Variants in COL24A1 observed in about 807,000 individuals in gnomAD.
The protein encoded by COL24A1 is collagen alpha-1(XXIV) chain.
COL24A1 carries 224 observed loss-of-function variants against 253.9 expected under a neutral mutation model. That is an observed-to-expected ratio of 0.88 (90% confidence interval 0.79 to 0.99). COL24A1 has a LOEUF of 0.99. Among genes scored for constraint, COL24A1 ranks in the 50% least tolerant of loss-of-function variants. The probability of loss-of-function intolerance (pLI) is 0.00; values close to 1 mark genes in which losing one functional copy is unlikely to be tolerated. For synonymous variants in COL24A1, 685 were observed against 673.7 expected, an observed-to-expected ratio of 1.02 and a Z score of -0.26; for missense variants, 2,131 against 2,068.5, an observed-to-expected ratio of 1.03 and a Z score of -0.59.
intron 2 of COL24A1, among the ~76,000 whole-genome samples, chr1:86,135,401 G>A (rs1650063915): frequency 6.6e-6 from 1 of 152,028 alleles, no homozygotes; most frequent in South Asian, 2.1e-4. Context: ...TATGATGTTA[G>A]CTGGTTATTT....
intron 19 of COL24A1, among the ~76,000 whole-genome samples, chr1:86,012,425 T>TA (rs1246085343): frequency 1.3e-5 from 2 of 151,896 alleles, no homozygotes; most frequent in Non-Finnish European, 2.9e-5. Flanking sequence ...CCATCTCAAC[T>TA]AAAAATACAA....
At chr1:85,897,599 T>G (rs1285571291) in intron 28 of COL24A1, among the ~76,000 whole-genome samples, 1 of 152,104 alleles carries the variant, frequency 6.6e-6, no homozygotes, top group Non-Finnish European at 1.5e-5. Flanking sequence ...AACTTCTCAG[T>G]GTTCATTCAA....
chr1:86,008,866 T>C (rs944116616), intron 19 of COL24A1, among the ~76,000 whole-genome samples: 1 of 151,828 alleles, frequency 6.6e-6, no homozygotes, highest in Non-Finnish European at 1.5e-5. Flanking sequence ...GAGAATATAA[T>C]GGCAGACAAA....
At position 86,034,042 on chromosome 1, in the gene COL24A1, A is replaced by G. The variant is rs1334153732; in HGVS notation, c.1951-119T>C. On this transcript the variant is annotated intron_variant, in intron 12 of 59. Transcript: ENST00000370571. ...TTTCCTAACTCTTAAACTGTAATGC[A>G]ACAAACATTCTTTTGCATAACACGC... The G allele has an allele frequency of 2.8e-5, 19 of 667,174 alleles. 1 individual carries two copies. In the Middle Eastern group the frequency reaches 8.2e-4, roughly 29 times the overall value. 41.3% of individuals were successfully genotyped at this position (667,174 alleles called of 1,614,324 possible).
chr1:86,032,350 A>G (rs192430975), intron 13 of COL24A1, among the ~76,000 whole-genome samples: 1 of 152,304 alleles, frequency 6.6e-6, no homozygotes. Flanking sequence ...CATTATTTAA[A>G]TTCTCTAATC....
At chr1:85,800,861 C>T (rs1316582981) in intron 47 of COL24A1, among the ~76,000 whole-genome samples, 1 of 152,168 alleles carries the variant, frequency 6.6e-6, no homozygotes, top group African/African-American at 2.4e-5. Context: ...TTTGGAACTT[C>T]TGGCTACTGC....
chr1:86,096,105 G>A (rs889406058), intron 5 of COL24A1, among the ~76,000 whole-genome samples: 13 of 152,182 alleles, frequency 8.5e-5, no homozygotes, highest in Non-Finnish European at 1.9e-4. Flanking sequence ...ATAATAATGA[G>A]CTTTAGGACC....
At chr1:85,731,741 A>G (rs927944714) in intron 59 of COL24A1, among the ~76,000 whole-genome samples, 4 of 152,220 alleles carry the variant, frequency 2.6e-5, no homozygotes, top group African/African-American at 9.6e-5. Context: ...TAACCACAAC[A>G]AAAGACCATC....
chr1:85,922,787 AT>A (rs1395876611), intron 24 of COL24A1, among the ~76,000 whole-genome samples: 1 of 152,230 alleles, frequency 6.6e-6, no homozygotes, highest in African/African-American at 2.4e-5. Flanking sequence ...AGCTAACATC[AT>A]AATGACAGGA....
At chr1:85,913,544 C>G (rs953403030) in intron 24 of COL24A1, among the ~76,000 whole-genome samples, 2 of 152,124 alleles carry the variant, frequency 1.3e-5, no homozygotes, top group Non-Finnish European at 2.9e-5. Context: ...CACCAGGAGA[C>G]ACAACGATGA....
At chr1:85,958,386 C>T (rs1429128058) in intron 24 of COL24A1, among the ~76,000 whole-genome samples, 1 of 151,990 alleles carries the variant, frequency 6.6e-6, no homozygotes, top group East Asian at 1.9e-4. Flanking sequence ...TTATAGAATG[C>T]ATCACAGTTT....
chr1:86,071,627 AC>A (rs1157165323), intron 7 of COL24A1, among the ~76,000 whole-genome samples: 3 of 152,212 alleles, frequency 2.0e-5, no homozygotes, highest in Non-Finnish European at 4.4e-5. Context: ...AGATTTCCAA[AC>A]AAAAACTATA....
Position 85,781,276 on chromosome 1 carries a change from G to A in COL24A1, c.4285-3C>T. On this transcript the variant is annotated splice_region_variant and splice_polypyrimidine_tract_variant and intron_variant, in intron 51 of 59. Transcript: ENST00000370571. ...CTGCCAAGGGGACCAGTGTTTCCCTGTTGAGGTAAAAGAAAAACAGTCTCA... is the reference window on the plus strand; with the variant it reads ...CTGCCAAGGGGACCAGTGTTTCCCTATTGAGGTAAAAGAAAAACAGTCTCA... 6.3e-7 allele frequency: 1 copy of A among 1,592,460 alleles called. No individual in the cohort carries two copies. Among genetic ancestry groups the A allele is most frequent in the Non-Finnish European group, 8.6e-7 (1 of 1,169,540 alleles).
At chr1:85,804,026 T>C (rs932560269) in intron 47 of COL24A1, among the ~76,000 whole-genome samples, 2 of 152,134 alleles carry the variant, frequency 1.3e-5, no homozygotes, top group East Asian at 1.9e-4. Flanking sequence ...GGAGAAAGCA[T>C]TGAAATAATA....
chr1:85,802,332 C>G (rs917774580), intron 47 of COL24A1, among the ~76,000 whole-genome samples: 1 of 152,132 alleles, frequency 6.6e-6, no homozygotes, highest in Non-Finnish European at 1.5e-5. Flanking sequence ...CACTCTACAC[C>G]TTGCTCACCA....
intron 5 of COL24A1, among the ~76,000 whole-genome samples, chr1:86,093,195 T>A (rs1703632391): frequency 6.6e-6 from 1 of 152,036 alleles, no homozygotes; most frequent in South Asian, 2.1e-4. Context: ...AAGGATGAAA[T>A]ACCAAAAGAA....
chr1:85,800,958 C>T (rs1671364689), intron 47 of COL24A1, among the ~76,000 whole-genome samples: 1 of 152,050 alleles, frequency 6.6e-6, no homozygotes, highest in Non-Finnish European at 1.5e-5. Context: ...GCAAAACAAA[C>T]ACAAAATGCA....
chr1:86,121,445 TAA>T (rs1158414121), intron 3 of COL24A1, among the ~76,000 whole-genome samples: 16 of 152,062 alleles, frequency 1.1e-4, no homozygotes, highest in African/African-American at 1.9e-4. Flanking sequence ...ATACAACAGA[TAA>T]AGAGTTCAGT....
At chr1:85,954,629 A>ATT (rs562646334) in intron 24 of COL24A1, among the ~76,000 whole-genome samples, 75 of 152,244 alleles carry the variant, frequency 4.9e-4, no homozygotes, top group African/African-American at 1.7e-3. Context: ...AATGGTAGCT[A>ATT]TTTTTTTATC....
Sources: gnomAD v4.1 joint callset for allele counts (sites outside exome capture counted in the v4.1 genomes callset) on GRCh38, gnomAD v4.1.1 for gene constraint, MANE v1.5 for transcripts, NCBI Gene and HGNC (gene_info 2026-07-23, HGNC 2026-07-21) for gene names.